Variants in CTBP2 observed in about 807,000 individuals in gnomAD.
CTBP2 encodes the protein C-terminal binding protein 2, also known as C-terminal-binding protein 2.
In CTBP2, 30 loss-of-function variants were observed where a neutral mutation model predicts 80.3. That is an observed-to-expected ratio of 0.37 (90% CI 0.28 to 0.51). The LOEUF (loss-of-function observed/expected upper bound fraction) is 0.51, where lower values mean the gene tolerates loss of function less well. Ranked by LOEUF, CTBP2 falls within the 20% of genes least tolerant of loss-of-function variation. The pLI is 0.93. For synonymous variants in CTBP2, 594 were observed against 587.4 expected, an observed-to-expected ratio of 1.01 and a Z score of -0.16; for missense variants, 1,212 against 1,375.3, an observed-to-expected ratio of 0.88 and a Z score of 1.88.
chr10:124,998,516 G>A (rs1953977748), intron 3 of CTBP2: 1 of 372,030 alleles, frequency 2.7e-6, no homozygotes, highest in African/African-American at 2.1e-5. Context: ...AAGCCAGTGG[G>A]CCTCAGACCA....
At chr10:125,154,255 C>T (rs576433037) in intron 1 of CTBP2, among the ~76,000 whole-genome samples, 1 of 152,250 alleles carries the variant, frequency 6.6e-6, no homozygotes, top group African/African-American at 2.4e-5. Flanking sequence ...CTCCCTCTCC[C>T]CCCTCACCCC....
chr10:125,040,253 G>C (rs1045293421), intron 2 of CTBP2, among the ~76,000 whole-genome samples: 5 of 151,992 alleles, frequency 3.3e-5, no homozygotes, highest in African/African-American at 1.2e-4. Context: ...TCAGGAGTTC[G>C]AGACCAGCCT....
In CTBP2 at chr10:124,986,288, C is replaced by T. The variant is rs1371032035; in HGVS notation, c.*3230G>A. 1 of 16,026 alleles carries T rather than the reference C, an allele frequency of 6.2e-5. No individual in the cohort carries two copies. Among genetic ancestry groups the T allele is most frequent in the East Asian group, 2.1e-3 (1 of 468 alleles). 1.0% of individuals were successfully genotyped at this position (16,026 alleles called of 1,614,324 possible). On this transcript the variant is annotated 3_prime_UTR_variant, in exon 9 of 9. Coordinates refer to ENST00000309035, the MANE Select transcript of CTBP2 (RefSeq NM_022802.3). Reference sequence around the variant, plus strand: ...GAAAGACGACACACGCACGCGCGCGCGCGCACACACACACACACACACACA... The same window carrying T: ...GAAAGACGACACACGCACGCGCGCGTGCGCACACACACACACACACACACA...
intron 2 of CTBP2, among the ~76,000 whole-genome samples, chr10:125,056,440 G>A (rs968954898): frequency 3.9e-5 from 6 of 152,198 alleles, no homozygotes; most frequent in Admixed American, 1.3e-4. Context: ...AACCTCAGGT[G>A]CAGGCAGGAT....
intron 2 of CTBP2, among the ~76,000 whole-genome samples, chr10:125,099,872 C>T (rs1393482771): frequency 6.6e-6 from 1 of 152,190 alleles, no homozygotes; most frequent in Admixed American, 6.5e-5. Context: ...CCAGAACCAA[C>T]ACAATCCCAG....
At chr10:125,124,789 T>C (rs945526269) in intron 1 of CTBP2, among the ~76,000 whole-genome samples, 3 of 152,358 alleles carry the variant, frequency 2.0e-5, no homozygotes, top group African/African-American at 7.2e-5. Flanking sequence ...CTTTCAATTA[T>C]AATTCAAAGC....
intron 2 of CTBP2, among the ~76,000 whole-genome samples, chr10:125,046,537 CAAAA>C (rs57913854): frequency 6.1e-5 from 7 of 114,762 alleles, no homozygotes; most frequent in East Asian, 2.5e-4. Flanking sequence ...GACTCTATCT[CAAAA>C]AAAAAAAAAA....
chr10:125,004,874 A>G (rs556033163), intron 1 of CTBP2, among the ~76,000 whole-genome samples: 4 of 152,196 alleles, frequency 2.6e-5, no homozygotes, highest in Non-Finnish European at 5.9e-5. Context: ...CAAAAGCAGG[A>G]GCCTTCCACA....
At position 125,098,740 on chromosome 10, in the gene CTBP2, G is replaced by GACAA. The variant is rs1564914503; in HGVS notation, c.-102+12249_-102+12250insTTGT. ...AGAGAGAGACAGAGAGAGAGAGAGAGAGAGAGAGACAGAGAGAGAGAGAGA... is the reference window on the plus strand; with the variant it reads ...AGAGAGAGACAGAGAGAGAGAGAGAGACAAAGAGAGAGACAGAGAGAGAGAGAGA... On this transcript the variant is annotated intron_variant, in intron 2 of 10. Coordinates refer to the CTBP2 transcript ENST00000337195. Among the ~76,000 whole-genome samples, 292 of 114,496 alleles carry GACAA rather than the reference G, an allele frequency of 2.6e-3. 5 individuals are homozygous for GACAA. Among genetic ancestry groups the GACAA allele is most frequent in the Middle Eastern group, 4.8e-3 (1 of 208 alleles). The allele number at this position is 114,496 out of a possible 152,430, so 75.1% of individuals were successfully genotyped here.
intron 1 of CTBP2, among the ~76,000 whole-genome samples, chr10:125,019,914 A>G (rs1457390301): frequency 6.6e-6 from 1 of 152,242 alleles, no homozygotes; most frequent in East Asian, 1.9e-4. Flanking sequence ...CCTGGGCCCC[A>G]TGACCCAGGA....
chr10:125,136,753 C>T (rs1857031097), intron 1 of CTBP2, among the ~76,000 whole-genome samples: 1 of 152,222 alleles, frequency 6.6e-6, no homozygotes, highest in Non-Finnish European at 1.5e-5. Flanking sequence ...TTGAAGTCAT[C>T]AGTTGACAGT....
intron 1 of CTBP2, among the ~76,000 whole-genome samples, chr10:125,139,104 G>A (rs560062449): frequency 1.4e-4 from 21 of 152,276 alleles, no homozygotes; most frequent in African/African-American, 4.3e-4. Flanking sequence ...AGGCGAGGTG[G>A]CTCACGCCTG....
chr10:124,989,885 A>G (rs902539101), intron 8 of CTBP2, among the ~76,000 whole-genome samples, 187 bp from the exon 11 acceptor site: 54 of 152,024 alleles, frequency 3.6e-4, no homozygotes, highest in African/African-American at 1.3e-3. Context: ...CACAGGCATG[A>G]GCCACCACGC....
intron 2 of CTBP2, among the ~76,000 whole-genome samples, chr10:125,087,855 C>T (rs1340538980): frequency 6.6e-6 from 1 of 152,222 alleles, no homozygotes; most frequent in East Asian, 1.9e-4. Context: ...TTTACAAGAA[C>T]TGTGCTTCCT....
intron 7 of CTBP2, 72 bp downstream of exon 9, chr10:124,993,130 A>G (rs946155522): frequency 7.9e-6 from 12 of 1,527,846 alleles, no homozygotes; most frequent in Non-Finnish European, 9.7e-6. Flanking sequence ...GCCTGTAGCC[A>G]GCAGGACAGG....
intron 2 of CTBP2, among the ~76,000 whole-genome samples, chr10:125,075,129 A>G (rs886686655): frequency 2.0e-4 from 31 of 152,252 alleles, no homozygotes; most frequent in Non-Finnish European, 2.4e-4. Context: ...CCATCATAAA[A>G]AGCTTCTGCT....
intron 2 of CTBP2, among the ~76,000 whole-genome samples, chr10:125,089,461 C>T (rs1848461417): frequency 6.6e-6 from 1 of 152,144 alleles, no homozygotes; most frequent in Non-Finnish European, 1.5e-5. Flanking sequence ...GAGGGGTCAA[C>T]CTGGAGCTAT....
At chr10:125,115,180 G>A (rs1853022711) in intron 1 of CTBP2, among the ~76,000 whole-genome samples, 1 of 126,662 alleles carries the variant, frequency 7.9e-6, no homozygotes, top group South Asian at 2.3e-4. Context: ...CATATATTAG[G>A]GGAGAAGAAA....
intron 2 of CTBP2, 122 bp from the exon 3 acceptor site, chr10:125,039,277 G>A (rs556745326): frequency 6.6e-6 from 3 of 452,622 alleles, no homozygotes; most frequent in African/African-American, 2.0e-5. Context: ...CATGGGACTT[G>A]CTCTTTTCCC....
Sources: allele counts gnomAD v4.1 joint callset (sites outside exome capture counted in the v4.1 genomes callset), GRCh38; gene constraint gnomAD v4.1.1; transcripts MANE v1.5; gene names NCBI Gene and HGNC (gene_info 2026-07-23, HGNC 2026-07-21).